The following ICA1 variants were observed in gnomAD, a reference collection of about 807,000 sequenced individuals.
ICA1 encodes the protein islet cell autoantigen 1.
ICA1 carries 40 observed loss-of-function variants against 71.0 expected under a neutral mutation model. That is an observed-to-expected ratio of 0.56 (90% confidence interval 0.44 to 0.73). The LOEUF (loss-of-function observed/expected upper bound fraction) is 0.73. Among genes scored for constraint, ICA1 ranks in the 30% least tolerant of loss-of-function variants. The probability of loss-of-function intolerance (pLI) is 0.00; values close to 1 mark genes in which losing one functional copy is unlikely to be tolerated. For missense variants in ICA1, 578 were observed against 576.5 expected, an observed-to-expected ratio of 1.00 and a Z score of -0.03; for synonymous variants, 207 against 209.5, an observed-to-expected ratio of 0.99 and a Z score of 0.10.
chr7:8,180,565 T>A (rs1157901004), intron 6 of ICA1, among the ~76,000 whole-genome samples: 1 of 152,174 alleles, frequency 6.6e-6, no homozygotes, highest in Non-Finnish European at 1.5e-5. Flanking sequence ...GTAGACAATG[T>A]CAGTTTCCCA....
intron 6 of ICA1, among the ~76,000 whole-genome samples, chr7:8,182,900 T>C (rs1033776489): frequency 3.3e-5 from 5 of 152,206 alleles, no homozygotes; most frequent in Non-Finnish European, 5.9e-5. Flanking sequence ...TTGGATGATA[T>C]ATCCCTGAAG....
At chr7:8,229,852 T>C (rs1261644567) in intron 3 of ICA1, among the ~76,000 whole-genome samples, 2 of 152,216 alleles carry the variant, frequency 1.3e-5, no homozygotes, top group African/African-American at 2.4e-5. Context: ...TCTGAATCTG[T>C]CCCTTAGCAA....
intron 8 of ICA1, among the ~76,000 whole-genome samples, chr7:8,148,894 C>G (rs1179721523): frequency 1.3e-5 from 2 of 152,118 alleles, no homozygotes; most frequent in Non-Finnish European, 2.9e-5. Flanking sequence ...AAATTAGTTC[C>G]TGGGTGTGAC....
chr7:8,224,869 G>C (rs1798134643), intron 4 of ICA1, among the ~76,000 whole-genome samples: 1 of 152,176 alleles, frequency 6.6e-6, no homozygotes, highest in Non-Finnish European at 1.5e-5. Flanking sequence ...TGGTTTGTCT[G>C]ATTTCTCAGA....
chr7:8,150,009 C>G (rs1240318797), intron 8 of ICA1, among the ~76,000 whole-genome samples: 1 of 152,196 alleles, frequency 6.6e-6, no homozygotes, highest in African/African-American at 2.4e-5. Context: ...CACTATTACT[C>G]TGTAACTAGA....
At chr7:8,178,673 T>C (rs1781320969) in intron 6 of ICA1, among the ~76,000 whole-genome samples, 1 of 152,156 alleles carries the variant, frequency 6.6e-6, no homozygotes, top group South Asian at 2.1e-4. Context: ...GTCTAAATCT[T>C]TAAAACATTT....
intron 1 of ICA1, among the ~76,000 whole-genome samples, chr7:8,240,452 C>A (rs561153167): frequency 5.9e-5 from 9 of 151,842 alleles, no homozygotes; most frequent in African/African-American, 1.7e-4. Context: ...AAAACCAGAG[C>A]AGAAACCAGA....
In ICA1 at chr7:8,160,080, C is replaced by T. The variant is rs544178223; in HGVS notation, c.580-1428G>A. 5.9e-5 allele frequency among the ~76,000 whole-genome samples: 9 copies of T among 152,228 alleles called. No individual in the cohort carries two copies. In the South Asian group the frequency reaches 1.2e-3, roughly 21 times the overall value. Reference sequence around the variant, plus strand: ...CTAGCAACCTGGCGCAAAGCAGGTACTGAATACGTATTTGTTGGCTGAATA... The same window carrying T: ...CTAGCAACCTGGCGCAAAGCAGGTATTGAATACGTATTTGTTGGCTGAATA... On this transcript the variant is annotated intron_variant, in intron 6 of 13. Coordinates refer to ENST00000402384, the MANE Select transcript of ICA1 (RefSeq NM_001136020.3).
chr7:8,199,052 C>A (rs1788641213), intron 6 of ICA1, among the ~76,000 whole-genome samples: 1 of 152,196 alleles, frequency 6.6e-6, no homozygotes, highest in Non-Finnish European at 1.5e-5. Context: ...AAGATCATCT[C>A]ACCCCAGTTA....
At chr7:8,193,977 G>A (rs1033463666) in intron 6 of ICA1, among the ~76,000 whole-genome samples, 2 of 152,192 alleles carry the variant, frequency 1.3e-5, no homozygotes, top group African/African-American at 4.8e-5. Flanking sequence ...TGTCCTAACA[G>A]CATTCTTTTC....
chr7:8,140,806 G>C (rs1052541753), intron 10 of ICA1, among the ~76,000 whole-genome samples: 5 of 152,204 alleles, frequency 3.3e-5, no homozygotes, highest in Non-Finnish European at 5.9e-5. Context: ...AGGCAGATAG[G>C]AGAAAAGCAA....
chr7:8,247,960 A>G (rs1583801729), intron 1 of ICA1, among the ~76,000 whole-genome samples: 1 of 152,126 alleles, frequency 6.6e-6, no homozygotes, highest in East Asian at 1.9e-4. Context: ...CATACACTAA[A>G]ACTTATCAGG....
At chr7:8,168,519 G>A (rs77879441) in intron 6 of ICA1, among the ~76,000 whole-genome samples, 227 of 152,212 alleles carry the variant, frequency 1.5e-3, no homozygotes, top group African/African-American at 5.1e-3. Context: ...CATTGACCAC[G>A]TGACTGACAG....
chr7:8,261,294 C>T (rs1259519868), intron 1 of ICA1, among the ~76,000 whole-genome samples: 2 of 152,064 alleles, frequency 1.3e-5, no homozygotes, highest in African/African-American at 4.8e-5. Context: ...GGGGGTACTA[C>T]AAGTAAAAAG....
intron 1 of ICA1, among the ~76,000 whole-genome samples, chr7:8,251,240 T>A (rs185804416): frequency 6.6e-6 from 1 of 152,158 alleles, no homozygotes; most frequent in Non-Finnish European, 1.5e-5. Context: ...TCAGGTGTTA[T>A]ATACAATGAT....
intron 8 of ICA1, among the ~76,000 whole-genome samples, chr7:8,152,137 G>T (rs1283800067): frequency 6.6e-6 from 1 of 152,138 alleles, no homozygotes; most frequent in African/African-American, 2.4e-5. Context: ...CTGAAGGACA[G>T]GTTTGGGAAT....
chr7:8,149,931 T>A (rs1053841669), intron 8 of ICA1, among the ~76,000 whole-genome samples: 1 of 152,204 alleles, frequency 6.6e-6, no homozygotes, highest in Non-Finnish European at 1.5e-5. Flanking sequence ...TTCATGGACA[T>A]TTAGCACATA....
chr7:8,135,567 A>G (rs78452082), intron 12 of ICA1, among the ~76,000 whole-genome samples: 8,030 of 152,270 alleles, frequency 0.053, 253 homozygotes, highest in African/African-American at 0.085. Context: ...ATATATGGAC[A>G]ACTGCAGGAG....
chr7:8,142,677 G>A (rs992676417), intron 9 of ICA1, among the ~76,000 whole-genome samples: 3 of 152,180 alleles, frequency 2.0e-5, no homozygotes, highest in Admixed American at 6.5e-5. Context: ...TACATGACAA[G>A]GAAAATCCCA....
Sources: allele counts gnomAD v4.1 joint callset (sites outside exome capture counted in the v4.1 genomes callset), GRCh38; gene constraint gnomAD v4.1.1; transcripts MANE v1.5; gene names NCBI Gene and HGNC (gene_info 2026-07-23, HGNC 2026-07-21).